SNX2: variants seen among roughly 807,000 people sequenced by gnomAD.
SNX2 encodes the protein sorting nexin 2.
Under a neutral mutation model 69.9 loss-of-function variants are expected in SNX2, and 25 were observed. The ratio of observed to expected loss-of-function variants is 0.36; its 90% CI spans 0.26 to 0.50. The LOEUF (loss-of-function observed/expected upper bound fraction) is 0.50. Ranked by LOEUF, SNX2 falls within the 20% of genes least tolerant of loss-of-function variation. The pLI, the probability that SNX2 is intolerant of heterozygous loss-of-function variation, is 0.97. For synonymous variants in SNX2, 229 were observed against 200.4 expected (o/e 1.14, Z -1.20); for missense variants, 551 against 613.3 (o/e 0.90, Z 1.07).
In SNX2 at chr5:122,831,245, A is replaced by G. The variant is rs191670833; in HGVS notation, c.*1597A>G. Among the ~76,000 whole-genome samples the G allele has an allele frequency of 3.3e-5, 5 of 152,268 alleles. No individual in the cohort carries two copies. The highest frequency in any genetic ancestry group is 2.0e-4 in the Admixed American group (3 of 15,292). Reference sequence around the variant, plus strand: ...CTTTAGTTGAAATGTTAAGCCTTCTATAGGTGTTATTCATATTTATACTCC... The same window carrying G: ...CTTTAGTTGAAATGTTAAGCCTTCTGTAGGTGTTATTCATATTTATACTCC... On this transcript the variant is annotated 3_prime_UTR_variant, in exon 15 of 15. Transcript: ENST00000379516.
chr5:122,814,031 G>C (rs1753842997), intron 7 of SNX2, among the ~76,000 whole-genome samples: 1 of 151,880 alleles, frequency 6.6e-6, no homozygotes, highest in Non-Finnish European at 1.5e-5. Flanking sequence ...CAAAGTGCAG[G>C]GATTACAGGC....
chr5:122,779,944 A>G lies in SNX2; in HGVS notation c.108+4733A>G, dbSNP rs553727824. On this transcript the variant is annotated intron_variant, in intron 1 of 14. Transcript: ENST00000379516. Reference sequence around the variant, plus strand: ...GTTTCAAGTTGGAGGCACTTTAAACAGTCTGAGGTTAAAGGCCTAAAGAAA... The same window carrying G: ...GTTTCAAGTTGGAGGCACTTTAAACGGTCTGAGGTTAAAGGCCTAAAGAAA... Among the ~76,000 whole-genome samples, 222 of 152,200 alleles carry G rather than the reference A, an allele frequency of 1.5e-3. 1 individual carries two copies. The highest frequency in any genetic ancestry group is 1.8e-3 in the Non-Finnish European group (120 of 68,034).
intron 11 of SNX2, among the ~76,000 whole-genome samples, chr5:122,819,509 G>A (rs563004885): frequency 1.3e-5 from 2 of 152,218 alleles, no homozygotes; most frequent in South Asian, 4.2e-4. Flanking sequence ...AGATGAGATG[G>A]GACTAGATTA....
intron 1 of SNX2, among the ~76,000 whole-genome samples, chr5:122,787,120 C>T (rs116285352): frequency 0.013 from 2,000 of 152,276 alleles, 37 homozygotes; most frequent in African/African-American, 0.046. Context: ...TGTCCACACT[C>T]CTTTCCATCC....
chr5:122,832,084 A>G lies in SNX2; in HGVS notation c.*2436A>G, dbSNP rs1754303615. Among the ~76,000 whole-genome samples, 1 of 152,344 alleles carries G rather than the reference A, an allele frequency of 6.6e-6. No homozygotes were observed. Among genetic ancestry groups the G allele is most frequent in the Admixed American group, 6.5e-5 (1 of 15,304 alleles). The stretch of plus-strand genomic sequence containing the variant: ...CAAGAACATTAATAGTGCTAATAAT[A>G]TAATCTTTTCATTGGATAGGTCTGA... On this transcript the variant is annotated 3_prime_UTR_variant, in exon 15 of 15. Coordinates refer to ENST00000379516, the MANE Select transcript of SNX2 (RefSeq NM_003100.4).
At chr5:122,827,818 CGT>C in intron 14 of SNX2, 172 bp downstream of exon 14, 2 of 516,152 alleles carry the variant, frequency 3.9e-6, no homozygotes, top group Non-Finnish European at 6.7e-6. Flanking sequence ...AACTATCTCA[CGT>C]GTTTTTTTTT....
intron 7 of SNX2, among the ~76,000 whole-genome samples, chr5:122,810,918 T>C (rs1753761610): frequency 1.3e-5 from 2 of 152,254 alleles, no homozygotes; most frequent in Non-Finnish European, 2.9e-5. Context: ...ATCTTAATTC[T>C]TCTGTGCAAG....
chr5:122,818,549 G>A (rs543730620), intron 10 of SNX2, among the ~76,000 whole-genome samples: 51 of 152,268 alleles, frequency 3.3e-4, no homozygotes, highest in African/African-American at 1.2e-3. Context: ...GAAAAAACAG[G>A]AGGCAGATTT....
At chr5:122,791,571 T>C (rs10038953) in intron 1 of SNX2, among the ~76,000 whole-genome samples, 94,429 of 152,014 alleles carry the variant, frequency 0.62, 29,686 homozygotes, top group African/African-American at 0.7. Flanking sequence ...CATGGGCCAC[T>C]GCGCCCAGCC....
chr5:122,834,234 A>T lies in SNX2; in HGVS notation c.*4586A>T, dbSNP rs1304875420. The stretch of plus-strand genomic sequence containing the variant: ...TCAGACGCTGATAAGATTGTAGAAG[A>T]TAGGGAAGCTGTAGTTTACTATCTA... On this transcript the variant is annotated 3_prime_UTR_variant, in exon 15 of 15. Coordinates refer to ENST00000379516, the MANE Select transcript of SNX2 (RefSeq NM_003100.4). 1 of 152,238 alleles carries T rather than the reference A, an allele frequency of 6.6e-6. No homozygotes were observed. 9.4% of individuals were successfully genotyped at this position (152,238 alleles called of 1,614,324 possible).
intron 11 of SNX2, among the ~76,000 whole-genome samples, chr5:122,820,711 C>A (rs1240436285): frequency 6.6e-6 from 1 of 151,952 alleles, no homozygotes; most frequent in African/African-American, 2.4e-5. Context: ...TCATGTTTTC[C>A]AAAATATTTT....
At chr5:122,827,755 A>T in intron 14 of SNX2, 109 bp downstream of exon 14, 1 of 749,942 alleles carries the variant, frequency 1.3e-6, no homozygotes, top group South Asian at 1.8e-5. Flanking sequence ...AGAATAAGAA[A>T]TGGAAGACAG....
At chr5:122,803,996 A>C (rs1753573908) in intron 6 of SNX2, 2 of 153,276 alleles carry the variant, frequency 1.3e-5, no homozygotes, top group Admixed American at 1.3e-4. Context: ...AAAAGTAGCC[A>C]GGCATGGTGG....
intron 3 of SNX2, 33 bp from the exon 4 acceptor site, chr5:122,801,834 ATT>A (rs775008780): frequency 2.0e-5 from 26 of 1,325,846 alleles, no homozygotes; most frequent in Non-Finnish European, 2.7e-5. Context: ...TTAAATTATA[ATT>A]TTTAATGCCA....
intron 2 of SNX2, among the ~76,000 whole-genome samples, chr5:122,795,894 T>G (rs186017777): frequency 6.6e-6 from 1 of 152,316 alleles, no homozygotes; most frequent in Non-Finnish European, 1.5e-5. Flanking sequence ...TTGGTGTAGT[T>G]CATCCTAACT....
In SNX2 at chr5:122,793,878, A is replaced by C. The variant is rs1753307046; in HGVS notation, c.109-1388A>C. Among the ~76,000 whole-genome samples, 7 of 148,390 alleles carry C rather than the reference A, an allele frequency of 4.7e-5. No individual in the cohort carries two copies. In the South Asian group the frequency reaches 1.3e-3, roughly 27 times the overall value. On this transcript the variant is annotated intron_variant, in intron 1 of 14. Transcript: ENST00000379516. ...CAGTGAGCTGAGATCACGCCATTGC[A>C]CTCCAGCCTGGGCAAGAAGAGCAAA...
In SNX2 at chr5:122,829,775, T is replaced by TACACACAC. The variant is rs3990570; in HGVS notation, c.*156_*163dup. On this transcript the variant is annotated 3_prime_UTR_variant, in exon 15 of 15. Transcript: ENST00000379516. Reference sequence around the variant, plus strand: ...TTTATGAATTACATGTGGTTTTATATACACACACACACACACACACACACA... The same window carrying TACACACAC: ...TTTATGAATTACATGTGGTTTTATATACACACACACACACACACACACACACACACACA... 1.2e-3 allele frequency: 618 copies of TACACACAC among 525,652 alleles called. No individual in the cohort carries two copies. The highest frequency in any genetic ancestry group is 1.5e-3 in the African/African-American group (76 of 50,732). The allele number at this position is 525,652 out of a possible 1,614,324, so 32.6% of individuals were successfully genotyped here. A position where few individuals can be genotyped will look rare whatever the true frequency, so the allele number is the denominator to read the frequency against.
chr5:122,785,825 C>G (rs1316435297), intron 1 of SNX2, among the ~76,000 whole-genome samples: 6 of 152,036 alleles, frequency 3.9e-5, no homozygotes, highest in Non-Finnish European at 5.9e-5. Flanking sequence ...GTTCTGTGTG[C>G]ACTTTTGAAA....
chr5:122,819,051 T>G, intron 11 of SNX2, 28 bp downstream of exon 11: 2 of 1,547,490 alleles, frequency 1.3e-6, no homozygotes, highest in Non-Finnish European at 1.8e-6. Flanking sequence ...TGCTTCTCAC[T>G]TGTGTCGTGT....
Sources: allele counts gnomAD v4.1 joint callset (sites outside exome capture counted in the v4.1 genomes callset), GRCh38; gene constraint gnomAD v4.1.1; transcripts MANE v1.5; gene names NCBI Gene and HGNC (gene_info 2026-07-23, HGNC 2026-07-21).